The following ACTR3C variants were observed in gnomAD, a reference collection of about 807,000 sequenced individuals.
ACTR3C encodes the protein actin-related protein 3C.
A neutral mutation model predicts 26.3 loss-of-function variants in ACTR3C; 18 were observed. The observed-to-expected ratio is 0.68, with a 90% confidence interval of 0.47 to 1.01. The LOEUF (loss-of-function observed/expected upper bound fraction) is 1.01, where lower values mean the gene tolerates loss of function less well. Ranked by LOEUF, ACTR3C falls within the 50% of genes least tolerant of loss-of-function variation. The pLI is 0.00. For synonymous variants in ACTR3C, 55 were observed against 94.5 expected (o/e 0.58, Z 2.42); for missense variants, 184 against 250.7 (o/e 0.73, Z 1.80).
chr7:150,035,276 G>GA, the ACTR3C span, among the ~76,000 whole-genome samples: 1 of 59,152 alleles, frequency 1.7e-5, no homozygotes, highest in Admixed American at 1.7e-4. Context: ...CTCAGTCCCT[G>GA]CCTCGTGGAG....
chr7:150,045,406 A>G, the ACTR3C span, among the ~76,000 whole-genome samples: 6 of 152,246 alleles, frequency 3.9e-5, no homozygotes, highest in Non-Finnish European at 8.8e-5. Context: ...GAGTTTAATT[A>G]TACAATTTAA....
At chr7:150,067,556 C>CTGGGCAA in the ACTR3C span, among the ~76,000 whole-genome samples, 1 of 151,938 alleles carries the variant, frequency 6.6e-6, no homozygotes, top group African/African-American at 2.4e-5. Context: ...TTGTGGGGTA[C>CTGGGCAA]ATAAAAATAA....
intron 6 of ACTR3C, among the ~76,000 whole-genome samples, chr7:150,271,310 G>A (rs1834433163): frequency 6.7e-6 from 1 of 148,952 alleles, no homozygotes; most frequent in Admixed American, 6.6e-5. Flanking sequence ...TCTACATTAG[G>A]TATCTCTCCT....
At chr7:149,903,903 G>GTTTGTTGTT in the ACTR3C span, among the ~76,000 whole-genome samples, 1 of 49,572 alleles carries the variant, frequency 2.0e-5, no homozygotes, top group African/African-American at 6.6e-5. Flanking sequence ...TGTTGTTGCT[G>GTTTGTTGTT]GTTGTTGTTG....
At chr7:150,196,886 C>G in the ACTR3C span, among the ~76,000 whole-genome samples, 2 of 152,172 alleles carry the variant, frequency 1.3e-5, no homozygotes, top group Admixed American at 1.3e-4. Flanking sequence ...GGACTATGTT[C>G]TTTGGTCTTG....
At position 150,321,523 on chromosome 7, in the gene ACTR3C, TG is replaced by T. The variant is rs1427825956; in HGVS notation, c.-52+1945del. Among the ~76,000 whole-genome samples, 6 of 152,274 alleles carry T rather than the reference TG, an allele frequency of 3.9e-5. No homozygotes were observed. In the East Asian group the frequency reaches 1.2e-3, roughly 29 times the overall value. On this transcript the variant is annotated intron_variant, in intron 1 of 7. Coordinates refer to ENST00000683684, the MANE Select transcript of ACTR3C (RefSeq NM_001164458.2). ...GGGAGGCCAAGGCGGGCAGATCACT[TG>T]AAGTCAGGAGTTTGAGACCACCCTG... is the stretch of plus-strand genomic sequence containing the variant.
chr7:150,309,614 G>C (rs1375883100), intron 1 of ACTR3C, among the ~76,000 whole-genome samples: 1 of 152,180 alleles, frequency 6.6e-6, no homozygotes, highest in Non-Finnish European at 1.5e-5. Context: ...TCCTCCTCAT[G>C]GACCTTGATT....
At chr7:150,065,808 G>A in the ACTR3C span, among the ~76,000 whole-genome samples, 1 of 150,474 alleles carries the variant, frequency 6.6e-6, no homozygotes, top group East Asian at 1.9e-4. Context: ...ACTAAAACTG[G>A]CCAAACAAAT....
chr7:150,219,600 G>A, the ACTR3C span, among the ~76,000 whole-genome samples: 1 of 137,906 alleles, frequency 7.3e-6, no homozygotes, highest in South Asian at 2.2e-4. Flanking sequence ...TGGCGATCTG[G>A]GTTTTTTGCG....
chr7:150,030,785 T>C, the ACTR3C span, among the ~76,000 whole-genome samples: 7 of 151,918 alleles, frequency 4.6e-5, no homozygotes, highest in African/African-American at 9.7e-5. Flanking sequence ...ACTCACTCCA[T>C]TCGCAATGGC....
intron 1 of ACTR3C, among the ~76,000 whole-genome samples, chr7:150,311,564 C>T (rs7798430): frequency 0.026 from 3,985 of 152,218 alleles, 188 homozygotes; most frequent in African/African-American, 0.091. Context: ...CCCATGGGCC[C>T]GATTTCAACC....
At chr7:149,970,820 C>A in the ACTR3C span, among the ~76,000 whole-genome samples, 15 of 152,346 alleles carry the variant, frequency 9.8e-5, no homozygotes, top group African/African-American at 3.1e-4. Flanking sequence ...GATCCCTACA[C>A]CATGAATAGC....
At chr7:150,186,656 C>T in the ACTR3C span, among the ~76,000 whole-genome samples, 1 of 152,260 alleles carries the variant, frequency 6.6e-6, no homozygotes, top group East Asian at 1.9e-4. Flanking sequence ...TCTATTTTCC[C>T]CAAGGCCAAT....
chr7:150,035,671 G>A, the ACTR3C span, among the ~76,000 whole-genome samples: 2 of 137,656 alleles, frequency 1.5e-5, no homozygotes, highest in Non-Finnish European at 3.3e-5. Flanking sequence ...CTCCAGGTGG[G>A]TCCTAAGGAT....
intron 1 of ACTR3C, among the ~76,000 whole-genome samples, chr7:150,308,422 T>C (rs1190054075): frequency 2.0e-5 from 3 of 152,168 alleles, no homozygotes. Flanking sequence ...TTTCGATTTC[T>C]CCATCCCACA....
At chr7:149,900,458 A>C in the ACTR3C span, among the ~76,000 whole-genome samples, 1 of 152,142 alleles carries the variant, frequency 6.6e-6, no homozygotes, top group African/African-American at 2.4e-5. Context: ...TACAGGCATA[A>C]GCCACCGTGC....
the ACTR3C span, among the ~76,000 whole-genome samples, chr7:150,197,216 C>T: frequency 6.6e-6 from 1 of 152,162 alleles, no homozygotes; most frequent in African/African-American, 2.4e-5. Context: ...CTGTGAATGC[C>T]TGGATTCACA....
At chr7:150,221,866 C>CG in the ACTR3C span, among the ~76,000 whole-genome samples, 1 of 151,840 alleles carries the variant, frequency 6.6e-6, no homozygotes. Flanking sequence ...GGCGTGGTGG[C>CG]GGGTGCCGGT....
chr7:150,136,191 C>T, the ACTR3C span, among the ~76,000 whole-genome samples: 1 of 152,230 alleles, frequency 6.6e-6, no homozygotes, highest in Non-Finnish European at 1.5e-5. Flanking sequence ...ATCCCAGGAA[C>T]ACATTTTCAC....
Sources: gnomAD v4.1 joint callset for allele counts (sites outside exome capture counted in the v4.1 genomes callset) on GRCh38, gnomAD v4.1.1 for gene constraint, MANE v1.5 for transcripts, NCBI Gene and HGNC (gene_info 2026-07-23, HGNC 2026-07-21) for gene names.